Variants in SLC7A5 observed in about 807,000 individuals in gnomAD.
SLC7A5 encodes solute carrier family 7 member 5.
A neutral mutation model predicts 50.2 loss-of-function variants in SLC7A5; 23 were observed. The observed-to-expected ratio is 0.46, with a 90% CI of 0.33 to 0.65. The LOEUF is 0.65. Among genes scored for constraint, SLC7A5 ranks in the 30% least tolerant of loss-of-function variants. The pLI is 0.02. For missense variants in SLC7A5, 578 were observed against 684.4 expected (o/e 0.84, Z 1.73); for synonymous variants, 393 against 330.6 (o/e 1.19, Z -2.05).
rs529581847 is a variant in SLC7A5, at chr16:87,853,656, G to T, written c.539-1807C>A. Reference sequence around the variant, plus strand: ...TGCCAGTCCCATTTCCTTATGGTTGGGGGGAGCACGACCATAAAAGAAACT... The same window carrying T: ...TGCCAGTCCCATTTCCTTATGGTTGTGGGGAGCACGACCATAAAAGAAACT... On this transcript the variant is annotated intron_variant, in intron 1 of 9. Coordinates refer to ENST00000261622, the MANE Select transcript of SLC7A5 (RefSeq NM_003486.7). This position sits in a 1 kb window ranked among gnomAD's most constrained non-coding sequence, Gnocchi z 4.4. Among the ~76,000 whole-genome samples, 6 of 151,428 alleles carry T rather than the reference G, an allele frequency of 4.0e-5. No individual in the cohort carries two copies. Among genetic ancestry groups the T allele is most frequent in the African/African-American group, 1.2e-4 (5 of 40,700 alleles).
In SLC7A5 at chr16:87,841,676, C is replaced by G. The variant is rs2055084750; in HGVS notation, c.665-521G>C. ...GGCCTGGGCAAGAACATAGGTTTGT[C>G]CTGGACCGTGCTGAGTGTGTGGCCA... On this transcript the variant is annotated intron_variant, in intron 2 of 9. Coordinates refer to ENST00000261622, the MANE Select transcript of SLC7A5 (RefSeq NM_003486.7). The surrounding 1 kb of genome is among the most constrained non-coding windows in gnomAD (Gnocchi z 4.8). Among the ~76,000 whole-genome samples, 1 of 152,316 alleles carries G rather than the reference C, an allele frequency of 6.6e-6. No individual in the cohort carries two copies. Among genetic ancestry groups the G allele is most frequent in the Middle Eastern group, 3.4e-3 (1 of 294 alleles).
rs370361039 is a variant in SLC7A5, at chr16:87,867,283, C to A, written c.538+1602G>T. ...GCGTAAGCTACTATCCATGTCGTTA[C>A]ATACCGGGCCGACATGTACCTAGGC... On this transcript the variant is annotated intron_variant, in intron 1 of 9. Transcript: ENST00000261622. Among the ~76,000 whole-genome samples, 513 of 152,340 alleles carry A rather than the reference C, an allele frequency of 3.4e-3. 2 individuals are homozygous for A. The highest frequency in any genetic ancestry group is 0.012 in the African/African-American group (495 of 41,570).
chr16:87,869,078 G>T lies in SLC7A5; in HGVS notation c.345C>A (p.Gly115=), dbSNP rs17853938. Residue 115 remains glycine (G), a synonymous_variant, in exon 1 of 10, where the codon GGC becomes GGA. Transcript: ENST00000261622. ...ELGTTISKSG[G]DYAYMLEVYG... ...AGACCTCCAGCATGTAGGCGTAGTCGCCGCCCGATTTGGAGATGGTGGTGC... is the reference window on the plus strand; with the variant it reads ...AGACCTCCAGCATGTAGGCGTAGTCTCCGCCCGATTTGGAGATGGTGGTGC... 0.12 allele frequency: 192,340 copies of T among 1,611,636 alleles called. 14,662 individuals are homozygous for T. The highest frequency in any genetic ancestry group is 0.37 in the African/African-American group (27,727 of 74,936).
At chr16:87,850,256 C>G (rs1304306624) in intron 2 of SLC7A5, among the ~76,000 whole-genome samples, 1 of 152,190 alleles carries the variant, frequency 6.6e-6, no homozygotes, top group Non-Finnish European at 1.5e-5. Flanking sequence ...ACGGTGCACA[C>G]AGGAGAGCCT....
At position 87,862,294 on chromosome 16, in the gene SLC7A5, A is replaced by G. The variant is rs2055409156; in HGVS notation, c.538+6591T>C. 6.6e-6 allele frequency among the ~76,000 whole-genome samples: 1 copy of G among 152,100 alleles called. No individual in the cohort carries two copies. The highest frequency in any genetic ancestry group is 1.5e-5 in the Non-Finnish European group (1 of 67,998). ...GCCTGAAGACCCTGGGGCAAAACACACACAGGCCCCCTCTGCTCTCTGGTC... is the reference window on the plus strand; with the variant it reads ...GCCTGAAGACCCTGGGGCAAAACACGCACAGGCCCCCTCTGCTCTCTGGTC... On this transcript the variant is annotated intron_variant, in intron 1 of 9. Transcript: ENST00000261622. The surrounding 1 kb of genome is among the most constrained non-coding windows in gnomAD (Gnocchi z 5.3).
intron 4 of SLC7A5, among the ~76,000 whole-genome samples, chr16:87,840,145 C>T (rs1216410169): frequency 1.3e-5 from 2 of 152,238 alleles, no homozygotes; most frequent in African/African-American, 2.4e-5. Flanking sequence ...GCTCTGCCCA[C>T]GAGCTGCACA....
At chr16:87,840,203 G>A (rs1325207893) in intron 4 of SLC7A5, among the ~76,000 whole-genome samples, 3 of 152,202 alleles carry the variant, frequency 2.0e-5, no homozygotes, top group Non-Finnish European at 2.9e-5. Context: ...GTACCGTCCC[G>A]CCCTGAGTGG....
At position 87,841,982 on chromosome 16, in the gene SLC7A5, C is replaced by T. The variant is rs1348017218; in HGVS notation, c.665-827G>A. Among the ~76,000 whole-genome samples, 2 of 152,226 alleles carry T rather than the reference C, an allele frequency of 1.3e-5. No homozygotes were observed. Among genetic ancestry groups the T allele is most frequent in the Non-Finnish European group, 2.9e-5 (2 of 68,042 alleles). ...GAAGGTCACGTGGCTGCTGGGACAG[C>T]ACTGGCCCTTTCTGTGGCTGTTGCC... is the stretch of plus-strand genomic sequence containing the variant. On this transcript the variant is annotated intron_variant, in intron 2 of 9. Transcript: ENST00000261622. This position sits in a 1 kb window ranked among gnomAD's most constrained non-coding sequence, Gnocchi z 4.8.
intron 4 of SLC7A5, among the ~76,000 whole-genome samples, chr16:87,840,162 G>A (rs545270761): frequency 3.3e-4 from 50 of 152,212 alleles, no homozygotes; most frequent in African/African-American, 1.2e-3. Flanking sequence ...CACAGCCGGG[G>A]ACCAGAGCCG....
chr16:87,841,890 A>C lies in SLC7A5; in HGVS notation c.665-735T>G, dbSNP rs943544792. Among the ~76,000 whole-genome samples, 1 of 152,138 alleles carries C rather than the reference A, an allele frequency of 6.6e-6. No homozygotes were observed. Among genetic ancestry groups the C allele is most frequent in the Non-Finnish European group, 1.5e-5 (1 of 68,010 alleles). Reference sequence around the variant, plus strand: ...TCACATCTGCGAAGACCCTTTTTCCAAATAAGGCCACCAGCATTCACAGGT... The same window carrying C: ...TCACATCTGCGAAGACCCTTTTTCCCAATAAGGCCACCAGCATTCACAGGT... On this transcript the variant is annotated intron_variant, in intron 2 of 9. Coordinates refer to ENST00000261622, the MANE Select transcript of SLC7A5 (RefSeq NM_003486.7). This position sits in a 1 kb window ranked among gnomAD's most constrained non-coding sequence, Gnocchi z 4.8.
At position 87,852,977 on chromosome 16, in the gene SLC7A5, G is replaced by T. The variant is rs1248819023; in HGVS notation, c.539-1128C>A. 6.6e-6 allele frequency among the ~76,000 whole-genome samples: 1 copy of T among 152,146 alleles called. No homozygotes were observed. The highest frequency in any genetic ancestry group is 1.5e-5 in the Non-Finnish European group (1 of 68,032). On this transcript the variant is annotated intron_variant, in intron 1 of 9. Coordinates refer to ENST00000261622, the MANE Select transcript of SLC7A5 (RefSeq NM_003486.7). This position sits in a 1 kb window ranked among gnomAD's most constrained non-coding sequence, Gnocchi z 4.5. ...CAGCTTGAAATCTGCCAGTGGGAAC[G>T]TCTACACCCCAGAAGTGGGCAAAGG...
chr16:87,834,201 TC>T (rs1379913365), intron 9 of SLC7A5, among the ~76,000 whole-genome samples: 1 of 152,184 alleles, frequency 6.6e-6, no homozygotes, highest in Non-Finnish European at 1.5e-5. Flanking sequence ...TTTTCCGGAA[TC>T]CCTCGTCCTG....
chr16:87,844,424 C>T (rs571810132), intron 2 of SLC7A5, among the ~76,000 whole-genome samples: 3 of 152,306 alleles, frequency 2.0e-5, no homozygotes, highest in African/African-American at 4.8e-5. Flanking sequence ...CAGGCAGATG[C>T]GGCCATGGGA....
chr16:87,848,518 T>C (rs876985), intron 2 of SLC7A5, among the ~76,000 whole-genome samples: 69,969 of 152,152 alleles, frequency 0.46, 19,080 homozygotes, highest in African/African-American at 0.75. Context: ...GGACTAACTG[T>C]AGAACCTCAT....
chr16:87,834,219 T>A (rs1006002706), intron 9 of SLC7A5, among the ~76,000 whole-genome samples, 195 bp downstream of exon 9: 1 of 152,168 alleles, frequency 6.6e-6, no homozygotes, highest in African/African-American at 2.4e-5. Flanking sequence ...CCTGAGAGAT[T>A]AGCTGGTGCT....
At chr16:87,834,064 G>A (rs2054965899) in intron 9 of SLC7A5, among the ~76,000 whole-genome samples, 1 of 152,182 alleles carries the variant, frequency 6.6e-6, no homozygotes, top group African/African-American at 2.4e-5. Flanking sequence ...ATGTTGGCCA[G>A]GCTGGTCTTG....
rs1161517147 is a variant in SLC7A5, at chr16:87,861,852, C to T, written c.538+7033G>A. 6.6e-6 allele frequency among the ~76,000 whole-genome samples: 1 copy of T among 152,242 alleles called. No individual in the cohort carries two copies. The highest frequency in any genetic ancestry group is 1.5e-5 in the Non-Finnish European group (1 of 68,046). On this transcript the variant is annotated intron_variant, in intron 1 of 9. Coordinates refer to ENST00000261622, the MANE Select transcript of SLC7A5 (RefSeq NM_003486.7). This position sits in a 1 kb window ranked among gnomAD's most constrained non-coding sequence, Gnocchi z 4.2. ...TGTGAGCTCCCCCTACGGCCTTGCC[C>T]CGAATCCCGTGATGCAGCGTGACCT...
chr16:87,864,313 T>A (rs563219286), intron 1 of SLC7A5, among the ~76,000 whole-genome samples: 1 of 151,784 alleles, frequency 6.6e-6, no homozygotes, highest in South Asian at 2.1e-4. Flanking sequence ...AATAAATAAA[T>A]AATAAATAAG....
chr16:87,849,943 A>C (rs1281495611), intron 2 of SLC7A5, among the ~76,000 whole-genome samples: 1 of 152,168 alleles, frequency 6.6e-6, no homozygotes, highest in East Asian at 1.9e-4. Flanking sequence ...TGAGGCAGGT[A>C]ACTAACACCT....
Sources: gnomAD v4.1 joint callset for allele counts (sites outside exome capture counted in the v4.1 genomes callset) on GRCh38, gnomAD v4.1.1 for gene constraint, Gnocchi (gnomAD v3.1) non-coding constraint, MANE v1.5 for transcripts, NCBI Gene and HGNC (gene_info 2026-07-23, HGNC 2026-07-21) for gene names.